The following CDKAL1 variants were observed in gnomAD, a reference collection of about 807,000 sequenced individuals.
CDKAL1 encodes threonylcarbamoyladenosine tRNA methylthiotransferase.
In CDKAL1, 32 loss-of-function variants were observed where a neutral mutation model predicts 68.2. The observed-to-expected ratio is 0.47, with a 90% confidence interval of 0.35 to 0.63. CDKAL1 has a LOEUF of 0.63. CDKAL1 is among the 30% of genes least tolerant of loss of function. CDKAL1 has a pLI of 0.00. For missense variants in CDKAL1, 606 were observed against 696.7 expected, an observed-to-expected ratio of 0.87 and a Z score of 1.47; for synonymous variants, 234 against 244.3, an observed-to-expected ratio of 0.96 and a Z score of 0.39.
intron 10 of CDKAL1, among the ~76,000 whole-genome samples, chr6:20,997,540 G>GC (rs1767184919): frequency 6.6e-6 from 1 of 151,478 alleles, no homozygotes; most frequent in African/African-American, 2.4e-5. Flanking sequence ...CACGGGGGTG[G>GC]CGGGGGGAGG....
At chr6:20,962,272 T>C (rs1765095533) in intron 10 of CDKAL1, among the ~76,000 whole-genome samples, 1 of 152,252 alleles carries the variant, frequency 6.6e-6, no homozygotes, top group Non-Finnish European at 1.5e-5. Context: ...AGTATACTTA[T>C]GGTACATGTC....
chr6:20,661,003 G>A (rs761081253), intron 5 of CDKAL1, among the ~76,000 whole-genome samples: 5 of 152,084 alleles, frequency 3.3e-5, no homozygotes, highest in African/African-American at 4.8e-5. Flanking sequence ...TGGGGAAGAA[G>A]TAGTAATGTT....
chr6:20,974,270 C>T (rs944384395), intron 10 of CDKAL1, among the ~76,000 whole-genome samples: 2 of 152,200 alleles, frequency 1.3e-5, no homozygotes, highest in Non-Finnish European at 2.9e-5. Flanking sequence ...CCAAAAGTAG[C>T]AGATCTCTTC....
chr6:20,692,487 G>C (rs1562029925), intron 5 of CDKAL1, among the ~76,000 whole-genome samples: 1 of 152,012 alleles, frequency 6.6e-6, no homozygotes, highest in Non-Finnish European at 1.5e-5. Context: ...ACCATTCTGG[G>C]CTTTGATTTG....
At chr6:20,962,725 C>G (rs932300230) in intron 10 of CDKAL1, among the ~76,000 whole-genome samples, 1 of 152,128 alleles carries the variant, frequency 6.6e-6, no homozygotes, top group Non-Finnish European at 1.5e-5. Flanking sequence ...AATATATTCT[C>G]TACTGTTGTA....
intron 8 of CDKAL1, among the ~76,000 whole-genome samples, chr6:20,833,183 C>T (rs901581845): frequency 6.6e-6 from 1 of 152,166 alleles, no homozygotes; most frequent in East Asian, 1.9e-4. Flanking sequence ...TGATTAGCCA[C>T]GCTCTATTCT....
At chr6:20,940,748 C>T (rs1048193378) in intron 9 of CDKAL1, among the ~76,000 whole-genome samples, 2 of 152,108 alleles carry the variant, frequency 1.3e-5, no homozygotes, top group East Asian at 3.8e-4. Context: ...AGTTTACATT[C>T]TTTTTTCATA....
At chr6:20,649,094 A>G (rs528322798) in intron 4 of CDKAL1, among the ~76,000 whole-genome samples, 199 bp from the exon 5 acceptor site, 10 of 152,370 alleles carry the variant, frequency 6.6e-5, no homozygotes, top group South Asian at 2.1e-4. Flanking sequence ...GTGAAAAGAT[A>G]TAGCATAGAT....
intron 9 of CDKAL1, among the ~76,000 whole-genome samples, chr6:20,904,732 C>G (rs959635673): frequency 6.6e-6 from 1 of 151,234 alleles, no homozygotes; most frequent in Non-Finnish European, 1.5e-5. Context: ...GAGGTTGCGG[C>G]GAGCCGAGAT....
intron 11 of CDKAL1, among the ~76,000 whole-genome samples, chr6:21,044,887 G>A (rs958638007): frequency 6.6e-6 from 1 of 152,170 alleles, no homozygotes; most frequent in African/African-American, 2.4e-5. Flanking sequence ...TAGAGGCTGG[G>A]AAGTCTATGA....
chr6:21,080,719 T>C (rs1772346898), intron 12 of CDKAL1, among the ~76,000 whole-genome samples: 1 of 152,184 alleles, frequency 6.6e-6, no homozygotes, highest in African/African-American at 2.4e-5. Context: ...TCCATTACCA[T>C]GTAAATCAAC....
chr6:20,821,592 C>T (rs560026731), intron 8 of CDKAL1, among the ~76,000 whole-genome samples: 1 of 149,352 alleles, frequency 6.7e-6, no homozygotes, highest in South Asian at 2.2e-4. Context: ...TGCTCAAGGG[C>T]AGGGATTTTT....
intron 8 of CDKAL1, among the ~76,000 whole-genome samples, chr6:20,796,692 A>T (rs1341235449): frequency 6.6e-6 from 1 of 152,192 alleles, no homozygotes; most frequent in Non-Finnish European, 1.5e-5. Context: ...CCATGCAAAT[A>T]TGGGCAGTTG....
At chr6:20,669,114 T>C (rs988367227) in intron 5 of CDKAL1, among the ~76,000 whole-genome samples, 3 of 152,198 alleles carry the variant, frequency 2.0e-5, no homozygotes, top group Non-Finnish European at 4.4e-5. Context: ...ACTGTAAAGT[T>C]ACTGTCTTCT....
At chr6:20,727,487 G>A (rs1294566886) in intron 5 of CDKAL1, among the ~76,000 whole-genome samples, 1 of 152,168 alleles carries the variant, frequency 6.6e-6, no homozygotes, top group Non-Finnish European at 1.5e-5. Flanking sequence ...AAGGTTTGGG[G>A]CTTCTTGAGG....
intron 7 of CDKAL1, among the ~76,000 whole-genome samples, chr6:20,776,691 A>G (rs890897494): frequency 3.9e-4 from 60 of 152,348 alleles, no homozygotes; most frequent in African/African-American, 9.6e-4. Flanking sequence ...CTCAAAAGCA[A>G]TGCTAAAGCT....
chr6:21,204,605 CAT>C (rs1778825065), intron 15 of CDKAL1, among the ~76,000 whole-genome samples: 1 of 152,152 alleles, frequency 6.6e-6, no homozygotes, highest in Non-Finnish European at 1.5e-5. Flanking sequence ...TGTGTTCACT[CAT>C]ATCGCCCTCA....
intron 4 of CDKAL1, among the ~76,000 whole-genome samples, chr6:20,614,205 A>G (rs547214616): frequency 6.6e-6 from 1 of 152,052 alleles, no homozygotes; most frequent in Non-Finnish European, 1.5e-5. Flanking sequence ...CCTTTGCTAT[A>G]TTTTTATGTT....
At chr6:20,975,485 T>C (rs919788428) in intron 10 of CDKAL1, among the ~76,000 whole-genome samples, 1 of 152,228 alleles carries the variant, frequency 6.6e-6, no homozygotes, top group Non-Finnish European at 1.5e-5. Flanking sequence ...ATATGCTTCA[T>C]GTATATGCTT....
Sources: gnomAD v4.1 joint callset for allele counts (sites outside exome capture counted in the v4.1 genomes callset) on GRCh38, gnomAD v4.1.1 for gene constraint, MANE v1.5 for transcripts, NCBI Gene and HGNC (gene_info 2026-07-23, HGNC 2026-07-21) for gene names.